Variants in TFB1M observed in about 807,000 individuals in gnomAD.
The protein encoded by TFB1M is transcription factor B1, mitochondrial, also known as dimethyladenosine transferase 1, mitochondrial.
Under a neutral mutation model 31.1 loss-of-function variants are expected in TFB1M, and 27 were observed. The observed-to-expected ratio is 0.87, with a 90% CI of 0.64 to 1.20. The LOEUF is 1.20. Among genes scored for constraint, TFB1M ranks in the 50% most tolerant of loss-of-function variants. TFB1M has a pLI of 0.00. For synonymous variants in TFB1M, 166 were observed against 151.8 expected, an observed-to-expected ratio of 1.09 and a Z score of -0.69; for missense variants, 394 against 418.7, an observed-to-expected ratio of 0.94 and a Z score of 0.51.
At chr6:155,279,094 C>T (rs1413236084) in intron 5 of TFB1M, among the ~76,000 whole-genome samples, 1 of 152,054 alleles carries the variant, frequency 6.6e-6, no homozygotes, top group Non-Finnish European at 1.5e-5. Context: ...AATTATCTGG[C>T]CCCAAATGTC....
the TFB1M span, chr6:155,244,764 A>G: frequency 6.2e-7 from 1 of 1,613,404 alleles, no homozygotes; most frequent in Non-Finnish European, 8.5e-7. Context: ...AACACCCTAG[A>G]AACCCCCTCA....
intron 5 of TFB1M, among the ~76,000 whole-genome samples, chr6:155,273,818 A>G (rs1475351519): frequency 6.6e-6 from 1 of 152,192 alleles, no homozygotes; most frequent in East Asian, 1.9e-4. Context: ...GATCTGAAAA[A>G]ACAAGGATGC....
At chr6:155,296,156 C>A (rs1777161586) in intron 4 of TFB1M, among the ~76,000 whole-genome samples, 3 of 152,166 alleles carry the variant, frequency 2.0e-5, no homozygotes, top group Admixed American at 2.0e-4. Context: ...GGAATGCAGG[C>A]ATAGCAGACT....
chr6:155,243,963 A>G, the TFB1M span: 1 of 1,503,864 alleles, frequency 6.6e-7, no homozygotes, highest in Non-Finnish European at 9.1e-7. Context: ...TCTCATGGGT[A>G]TTTTGGAGAC....
Position 155,296,970 on chromosome 6 carries a change from GAA to G in TFB1M, c.527_528del (p.Phe176SerfsTer18). On this transcript the variant is annotated frameshift_variant, in exon 4 of 7. Coordinates refer to ENST00000367166, the MANE Select transcript of TFB1M (RefSeq NM_016020.4). LOFTEE classifies it high-confidence loss of function. ...VYGRTQMTLT[F>X]QKEVAERLAA... ...AAACTTACCTCTGCCACTTCCTTTTGAAAAGTCAAAGTCATCTGAGTTCTGCC... is the reference window on the plus strand; with the variant it reads ...AAACTTACCTCTGCCACTTCCTTTTGAAGTCAAAGTCATCTGAGTTCTGCC... The G allele has an allele frequency of 6.2e-7, 1 of 1,613,916 alleles. No homozygotes were observed. The highest frequency in any genetic ancestry group is 8.5e-7 in the Non-Finnish European group (1 of 1,179,926).
the TFB1M span, chr6:155,244,577 T>G: frequency 6.7e-7 from 1 of 1,492,586 alleles, no homozygotes; most frequent in Non-Finnish European, 9.1e-7. Flanking sequence ...TCCTTGTGAT[T>G]TATTTGTGGG....
chr6:155,231,288 C>T, the TFB1M span, among the ~76,000 whole-genome samples: 1 of 152,196 alleles, frequency 6.6e-6, no homozygotes, highest in Admixed American at 6.5e-5. Context: ...TTTATGTTCT[C>T]ATTCTGCCCA....
chr6:155,275,944 C>T, intron 5 of TFB1M: 1 of 1,614,180 alleles, frequency 6.2e-7, no homozygotes, highest in South Asian at 1.1e-5. Context: ...CCCTCCCCAT[C>T]CACGTGCAGG....
intron 5 of TFB1M, among the ~76,000 whole-genome samples, chr6:155,283,621 C>T (rs912805696): frequency 1.3e-5 from 2 of 152,102 alleles, no homozygotes; most frequent in African/African-American, 4.8e-5. Flanking sequence ...GTAACTAAAA[C>T]AGAGTTAGAA....
At chr6:155,287,675 AAG>A (rs1033759072) in intron 4 of TFB1M, among the ~76,000 whole-genome samples, 17 of 152,046 alleles carry the variant, frequency 1.1e-4, no homozygotes, top group African/African-American at 3.9e-4. Flanking sequence ...AAGGGAAAGA[AAG>A]GGGATAGAAG....
At chr6:155,240,844 G>A in the TFB1M span, 1 of 886,460 alleles carries the variant, frequency 1.1e-6, no homozygotes, top group Non-Finnish European at 1.7e-6. Context: ...CCTTGAATCA[G>A]TGAATTGCTC....
chr6:155,276,476 G>T (rs1785227308), intron 5 of TFB1M: 2 of 1,121,990 alleles, frequency 1.8e-6, no homozygotes, highest in Admixed American at 2.7e-5. Context: ...TCCCTACAAA[G>T]AAAGTAGAAT....
chr6:155,306,012 A>G (rs906257777), intron 2 of TFB1M, among the ~76,000 whole-genome samples: 49 of 151,788 alleles, frequency 3.2e-4, no homozygotes, highest in Admixed American at 3.1e-3. Flanking sequence ...TTAAAATTCA[A>G]TAAGACAAAA....
chr6:155,237,469 G>A, the TFB1M span, among the ~76,000 whole-genome samples: 1 of 152,250 alleles, frequency 6.6e-6, no homozygotes, highest in Non-Finnish European at 1.5e-5. Context: ...CCACTAGGCG[G>A]TGCCCCAGTA....
At chr6:155,311,706 G>A (rs531795035) in intron 1 of TFB1M, among the ~76,000 whole-genome samples, 1 of 152,274 alleles carries the variant, frequency 6.6e-6, no homozygotes, top group African/African-American at 2.4e-5. Context: ...CTTTTCTATA[G>A]TTATTGAACA....
At chr6:155,235,690 T>A in the TFB1M span, among the ~76,000 whole-genome samples, 1 of 152,228 alleles carries the variant, frequency 6.6e-6, no homozygotes, top group South Asian at 2.1e-4. Flanking sequence ...ATGTTAAGTG[T>A]ACAAAAGGTG....
At chr6:155,279,651 C>T (rs1319185081) in intron 5 of TFB1M, among the ~76,000 whole-genome samples, 2 of 152,156 alleles carry the variant, frequency 1.3e-5, no homozygotes, top group African/African-American at 4.8e-5. Context: ...AGATTTTTAG[C>T]CTAGCCTATA....
chr6:155,297,465 GC>G (rs1487540166), intron 3 of TFB1M, among the ~76,000 whole-genome samples: 3 of 152,170 alleles, frequency 2.0e-5, no homozygotes, highest in African/African-American at 7.2e-5. Flanking sequence ...GAGGTCAGAT[GC>G]CCAGGAAGGG....
At chr6:155,293,891 GC>G (rs1777042739) in intron 4 of TFB1M, among the ~76,000 whole-genome samples, 1 of 151,878 alleles carries the variant, frequency 6.6e-6, no homozygotes, top group Admixed American at 6.6e-5. Context: ...TTGACTCTAT[GC>G]AAACTTGACA....
Sources: allele counts gnomAD v4.1 joint callset (sites outside exome capture counted in the v4.1 genomes callset), GRCh38; gene constraint gnomAD v4.1.1; transcripts MANE v1.5; gene names NCBI Gene and HGNC (gene_info 2026-07-23, HGNC 2026-07-21).